Variants in ASTN2 observed in about 807,000 individuals in gnomAD.
ASTN2 encodes the protein astrotactin 2, also known as astrotactin-2.
Under a neutral mutation model 139.8 loss-of-function variants are expected in ASTN2, and 54 were observed. The observed-to-expected ratio is 0.39, with a 90% confidence interval of 0.31 to 0.48. The LOEUF is 0.48. Among genes scored for constraint, ASTN2 ranks in the 20% least tolerant of loss-of-function variants. ASTN2 has a pLI of 0.95. For synonymous variants in ASTN2, 756 were observed against 719.5 expected, an observed-to-expected ratio of 1.05 and a Z score of -0.81; for missense variants, 1,565 against 1,725.1, an observed-to-expected ratio of 0.91 and a Z score of 1.64.
intron 1 of ASTN2, among the ~76,000 whole-genome samples, chr9:117,371,083 T>G (rs1211918173): frequency 6.6e-6 from 1 of 150,986 alleles, no homozygotes; most frequent in East Asian, 2.0e-4. Flanking sequence ...ATGTCCCTAC[T>G]TCATCATATA....
At chr9:116,444,267 C>T (rs1025999207) in intron 20 of ASTN2, among the ~76,000 whole-genome samples, 6 of 152,186 alleles carry the variant, frequency 3.9e-5, no homozygotes, top group Admixed American at 3.9e-4. Flanking sequence ...TAGAAATCAA[C>T]TCTGTAAAAA....
intron 3 of ASTN2, among the ~76,000 whole-genome samples, chr9:117,168,682 A>G (rs1326628099): frequency 1.3e-5 from 2 of 152,182 alleles, no homozygotes; most frequent in African/African-American, 4.8e-5. Context: ...GCCTTCAGTC[A>G]TTACAGCAGT....
chr9:116,977,747 C>T (rs1472623567), intron 7 of ASTN2, among the ~76,000 whole-genome samples: 1 of 141,576 alleles, frequency 7.1e-6, no homozygotes, highest in Non-Finnish European at 1.5e-5. Flanking sequence ...CTGAGAGTCT[C>T]ACTCCATCAC....
At chr9:116,492,958 C>T (rs1033669720) in intron 19 of ASTN2, among the ~76,000 whole-genome samples, 1 of 152,152 alleles carries the variant, frequency 6.6e-6, no homozygotes, top group East Asian at 1.9e-4. Flanking sequence ...ACTAGATCAA[C>T]TCTAGTTTGA....
intron 16 of ASTN2, among the ~76,000 whole-genome samples, chr9:116,675,927 T>C (rs1258757599): frequency 6.6e-6 from 1 of 152,212 alleles, no homozygotes; most frequent in East Asian, 1.9e-4. Context: ...AGGTTGACAT[T>C]GCGTGCTGAA....
intron 17 of ASTN2, among the ~76,000 whole-genome samples, chr9:116,645,471 G>A (rs1857542045): frequency 6.6e-6 from 1 of 152,094 alleles, no homozygotes; most frequent in Non-Finnish European, 1.5e-5. Flanking sequence ...ATGTACCTAA[G>A]GAGACCCCAA....
chr9:117,296,341 C>T (rs906214113), intron 1 of ASTN2, among the ~76,000 whole-genome samples: 2 of 145,330 alleles, frequency 1.4e-5, no homozygotes, highest in Admixed American at 6.8e-5. Flanking sequence ...AATTCACACA[C>T]AGAGTTAAGG....
chr9:117,205,409 C>G (rs1305004512), intron 3 of ASTN2, among the ~76,000 whole-genome samples: 2 of 152,042 alleles, frequency 1.3e-5, no homozygotes, highest in Non-Finnish European at 2.9e-5. Context: ...TCCCATTAAC[C>G]CTTCAAGGAG....
intron 19 of ASTN2, among the ~76,000 whole-genome samples, chr9:116,498,164 T>C (rs964441615): frequency 2.0e-5 from 3 of 152,192 alleles, no homozygotes; most frequent in Non-Finnish European, 2.9e-5. Flanking sequence ...ACACAGCTAC[T>C]ACCCAGCAAA....
chr9:117,358,579 C>A (rs979458738), intron 1 of ASTN2, among the ~76,000 whole-genome samples: 2 of 152,074 alleles, frequency 1.3e-5, no homozygotes, highest in African/African-American at 4.8e-5. Context: ...TAATCACAGA[C>A]TTGTCGACCA....
At chr9:116,716,849 G>T (rs571291390) in intron 16 of ASTN2, among the ~76,000 whole-genome samples, 1 of 152,214 alleles carries the variant, frequency 6.6e-6, no homozygotes, top group Non-Finnish European at 1.5e-5. Flanking sequence ...TGCTCAAGCT[G>T]AAGGTCTAAA....
chr9:117,088,630 T>C (rs1010661367), intron 5 of ASTN2, among the ~76,000 whole-genome samples: 3 of 152,152 alleles, frequency 2.0e-5, no homozygotes, highest in East Asian at 1.9e-4. Flanking sequence ...AGCTTAGGAA[T>C]TGCCAAATTA....
At chr9:117,394,020 C>T (rs369328913) in intron 1 of ASTN2, among the ~76,000 whole-genome samples, 48 of 152,282 alleles carry the variant, frequency 3.2e-4, no homozygotes, top group African/African-American at 1.1e-3. Context: ...GCTTATGATG[C>T]AATATTTGTA....
rs114649793 is a variant in ASTN2, at chr9:116,684,182, C to A, written c.2807-32389G>T. 8.1e-3 allele frequency among the ~76,000 whole-genome samples: 1,234 copies of A among 152,252 alleles called. 21 individuals carry two copies. The highest frequency in any genetic ancestry group is 0.029 in the African/African-American group (1,193 of 41,536). On this transcript the variant is annotated intron_variant, in intron 16 of 22. Coordinates refer to ENST00000313400, the MANE Select transcript of ASTN2 (RefSeq NM_001365068.1). ...CTTTTAAAAACTCTTATCTGAGATT[C>A]CTCATGGAACAGAGTTCCATCAAAG... is the stretch of plus-strand genomic sequence containing the variant.
intron 19 of ASTN2, among the ~76,000 whole-genome samples, chr9:116,539,288 G>GT (rs1267694282): frequency 1.3e-5 from 2 of 151,876 alleles, no homozygotes; most frequent in African/African-American, 2.4e-5. Flanking sequence ...GCACAACTCT[G>GT]TCAATGTGCT....
intron 6 of ASTN2, among the ~76,000 whole-genome samples, chr9:117,008,690 A>G (rs1837429451): frequency 6.6e-6 from 1 of 152,164 alleles, no homozygotes; most frequent in African/African-American, 2.4e-5. Flanking sequence ...ATAGGAAATA[A>G]TGATTAAACA....
chr9:117,242,049 A>G (rs1333304773), intron 2 of ASTN2, among the ~76,000 whole-genome samples: 2 of 114,180 alleles, frequency 1.8e-5, no homozygotes, highest in Non-Finnish European at 3.4e-5. Flanking sequence ...GAGTGGCCCA[A>G]TTGCAGACAA....
At chr9:116,746,974 G>A (rs1829254965) in intron 13 of ASTN2, among the ~76,000 whole-genome samples, 2 of 152,160 alleles carry the variant, frequency 1.3e-5, no homozygotes, top group Non-Finnish European at 2.9e-5. Context: ...ATGTAGGGGA[G>A]ACAATCCATT....
intron 19 of ASTN2, among the ~76,000 whole-genome samples, chr9:116,530,708 A>G (rs1377038357): frequency 6.6e-6 from 1 of 152,202 alleles, no homozygotes; most frequent in Non-Finnish European, 1.5e-5. Flanking sequence ...AATAGGCCAG[A>G]AGACTCTTCA....
Sources: allele counts gnomAD v4.1 joint callset (sites outside exome capture counted in the v4.1 genomes callset), GRCh38; gene constraint gnomAD v4.1.1; transcripts MANE v1.5; gene names NCBI Gene and HGNC (gene_info 2026-07-23, HGNC 2026-07-21).